PVT1: variants seen among roughly 807,000 people sequenced by gnomAD.
PVT1 encodes the protein CXCR4/PVT1 fusion.
chr8:127,997,044 G>GTTTTTTTT lies in PVT1; in HGVS notation n.912+7758_912+7765dup, dbSNP rs1293036762. 2.2e-3 allele frequency among the ~76,000 whole-genome samples: 181 copies of GTTTTTTTT among 81,558 alleles called. 34 individuals are homozygous for GTTTTTTTT. Among genetic ancestry groups the GTTTTTTTT allele is most frequent in the Non-Finnish European group, 2.7e-3 (122 of 44,488 alleles). 53.5% of individuals were successfully genotyped at this position (81,558 alleles called of 152,430 possible). On this transcript the variant is annotated intron_variant and non_coding_transcript_variant, in intron 4 of 10. Coordinates refer to ENST00000651587, the Ensembl canonical transcript of PVT1. ...GAACATTCACTGGTCATTTGCTTTC[G>GTTTTTTTT]TTTTTTTTTTTTGTTTGTTTGTTTT...
chr8:127,870,072 G>A (rs947504719), intron 2 of PVT1, among the ~76,000 whole-genome samples: 18 of 152,180 alleles, frequency 1.2e-4, no homozygotes, highest in Non-Finnish European at 1.5e-5. Flanking sequence ...CCAAAGTGTT[G>A]GGGTTACAGG....
Position 128,057,781 on chromosome 8 carries a change from G to A in PVT1, n.913-12379G>A, listed in dbSNP as rs114739787. Among the ~76,000 whole-genome samples, 475 of 152,304 alleles carry A rather than the reference G, an allele frequency of 3.1e-3. 2 individuals carry two copies. Among genetic ancestry groups the A allele is most frequent in the African/African-American group, 0.011 (454 of 41,546 alleles). ...ATTAAATCTCCCCCACGGTGTGTGC[G>A]GGGCCTTGCCATTTGCAGAACACTT... On this transcript the variant is annotated intron_variant and non_coding_transcript_variant, in intron 4 of 10. Transcript: ENST00000651587.
intron 4 of PVT1, among the ~76,000 whole-genome samples, chr8:128,056,450 A>T (rs1563676900): frequency 6.6e-6 from 1 of 152,226 alleles, no homozygotes; most frequent in Non-Finnish European, 1.5e-5. Context: ...TGTATACATA[A>T]AATTGCATGC....
At chr8:127,818,168 C>T (rs1400127849) in intron 2 of PVT1, among the ~76,000 whole-genome samples, 4 of 152,226 alleles carry the variant, frequency 2.6e-5, no homozygotes, top group African/African-American at 9.6e-5. Flanking sequence ...TTCACCCCCA[C>T]TTCCTTCCAG....
At chr8:128,071,543 G>A (rs1563680305) in intron 5 of PVT1, among the ~76,000 whole-genome samples, 1 of 151,530 alleles carries the variant, frequency 6.6e-6, no homozygotes, top group Non-Finnish European at 1.5e-5. Context: ...AAAAAAAGCA[G>A]TTTTGGTGGC....
At chr8:127,975,479 C>T (rs1298309724) in intron 3 of PVT1, among the ~76,000 whole-genome samples, 2 of 152,162 alleles carry the variant, frequency 1.3e-5, no homozygotes, top group African/African-American at 4.8e-5. Context: ...CAGCCAAGTT[C>T]GTTACTTTCC....
At chr8:127,929,058 C>G (rs955570677) in intron 3 of PVT1, among the ~76,000 whole-genome samples, 1 of 152,104 alleles carries the variant, frequency 6.6e-6, no homozygotes, top group Non-Finnish European at 1.5e-5. Flanking sequence ...TATACCCCTA[C>G]TTAGAAGCAA....
intron 3 of PVT1, among the ~76,000 whole-genome samples, chr8:127,917,394 A>G (rs1815999303): frequency 6.6e-6 from 1 of 152,212 alleles, no homozygotes; most frequent in Non-Finnish European, 1.5e-5. Flanking sequence ...AGAAAGGTGC[A>G]GGCTGCTCTG....
chr8:127,877,941 C>G (rs980780889), intron 2 of PVT1, among the ~76,000 whole-genome samples: 1 of 151,902 alleles, frequency 6.6e-6, no homozygotes, highest in Admixed American at 6.6e-5. Context: ...AACAACAACC[C>G]CCCTCCCCCA....
intron 4 of PVT1, among the ~76,000 whole-genome samples, chr8:128,042,751 T>TTATTTTATTTTATTG (rs1356756507): frequency 1.3e-5 from 2 of 149,140 alleles, no homozygotes; most frequent in East Asian, 3.9e-4. Context: ...TTATTTTATT[T>TTATTTTATTTTATTG]TATTTTATTT....
intron 2 of PVT1, among the ~76,000 whole-genome samples, chr8:127,825,455 C>G (rs1260171781): frequency 6.6e-6 from 1 of 152,176 alleles, no homozygotes; most frequent in Non-Finnish European, 1.5e-5. Flanking sequence ...AATTCTTCAG[C>G]ATTTGTCACT....
At chr8:127,886,758 A>G (rs539198149) in intron 2 of PVT1, among the ~76,000 whole-genome samples, 1 of 152,318 alleles carries the variant, frequency 6.6e-6, no homozygotes, top group Admixed American at 6.5e-5. Context: ...CTTGTCTGCT[A>G]ATTCCAGAAA....
Position 127,875,363 on chromosome 8 carries a change from G to GTCTCTCTC in PVT1, n.373-15212_373-15205dup, listed in dbSNP as rs139309505. On this transcript the variant is annotated intron_variant and non_coding_transcript_variant, in intron 2 of 10. Coordinates refer to ENST00000651587, the Ensembl canonical transcript of PVT1. ...TCTGACTCTGTCTGTCTCTGTCTCT[G>GTCTCTCTC]TCTCTCTCTCTCTCTCTCTCTTCTT... Among the ~76,000 whole-genome samples the GTCTCTCTC allele has an allele frequency of 3.9e-4, 58 of 149,722 alleles. 1 individual carries two copies. Among genetic ancestry groups the GTCTCTCTC allele is most frequent in the South Asian group, 1.9e-3 (9 of 4,660 alleles).
At chr8:127,878,079 G>A (rs536571819) in intron 2 of PVT1, among the ~76,000 whole-genome samples, 13 of 152,206 alleles carry the variant, frequency 8.5e-5, no homozygotes, top group Admixed American at 3.3e-4. Flanking sequence ...TGACGGCTCA[G>A]GTCCTTGGCA....
At chr8:128,066,752 C>G (rs1250786132) in intron 4 of PVT1, among the ~76,000 whole-genome samples, 1 of 152,182 alleles carries the variant, frequency 6.6e-6, no homozygotes, top group Non-Finnish European at 1.5e-5. Context: ...AGGTTCTTAC[C>G]AGGATCTTTT....
chr8:128,076,765 G>A (rs1272054039), intron 5 of PVT1, among the ~76,000 whole-genome samples: 2 of 152,188 alleles, frequency 1.3e-5, no homozygotes, highest in Non-Finnish European at 2.9e-5. Flanking sequence ...CCTGCAAATA[G>A]GTCATCTCAT....
intron 4 of PVT1, among the ~76,000 whole-genome samples, chr8:128,004,514 C>T (rs1817223302): frequency 6.6e-6 from 1 of 152,154 alleles, no homozygotes; most frequent in Non-Finnish European, 1.5e-5. Flanking sequence ...AAGCCCGGGG[C>T]ACAATCTCCG....
At chr8:127,958,294 C>T (rs906137927) in intron 3 of PVT1, among the ~76,000 whole-genome samples, 35 of 151,690 alleles carry the variant, frequency 2.3e-4, no homozygotes, top group African/African-American at 8.0e-4. Flanking sequence ...GGCAGGAGTG[C>T]AGTGGCGCGA....
intron 2 of PVT1, among the ~76,000 whole-genome samples, chr8:127,814,878 A>C (rs1814641818): frequency 6.6e-6 from 1 of 152,156 alleles, no homozygotes; most frequent in South Asian, 2.1e-4. Context: ...AGTTTCTATG[A>C]ATCTAACTAC....
Sources: gnomAD v4.1 joint callset for allele counts (sites outside exome capture counted in the v4.1 genomes callset) on GRCh38, gnomAD v4.1.1 for gene constraint, MANE v1.5 for transcripts, NCBI Gene and HGNC (gene_info 2026-07-23, HGNC 2026-07-21) for gene names.